KCNH8: variants seen among roughly 807,000 people sequenced by gnomAD.
The protein encoded by KCNH8 is voltage-gated delayed rectifier potassium channel KCNH8.
KCNH8 carries 70 observed loss-of-function variants against 103.6 expected under a neutral mutation model. That is an observed-to-expected ratio of 0.68 (90% CI 0.56 to 0.82). The LOEUF is 0.82. Among genes scored for constraint, KCNH8 ranks in the 40% least tolerant of loss-of-function variants. The pLI is 0.00. For synonymous variants in KCNH8, 498 were observed against 489.4 expected, an observed-to-expected ratio of 1.02 and a Z score of -0.23; for missense variants, 1,217 against 1,329.9, an observed-to-expected ratio of 0.92 and a Z score of 1.32.
At chr3:19,381,200 A>T (rs989714270) in intron 5 of KCNH8, among the ~76,000 whole-genome samples, 17 of 152,186 alleles carry the variant, frequency 1.1e-4, no homozygotes, top group Admixed American at 3.9e-4. Context: ...CAAATAAGCC[A>T]TTGGAACAAA....
chr3:19,310,914 G>A (rs1025165137), intron 3 of KCNH8, among the ~76,000 whole-genome samples: 2 of 151,794 alleles, frequency 1.3e-5, no homozygotes, highest in African/African-American at 4.8e-5. Context: ...TTGAAAAAAG[G>A]ATAGCACTTG....
chr3:19,499,717 C>A (rs1045234109), intron 11 of KCNH8, among the ~76,000 whole-genome samples: 7 of 152,130 alleles, frequency 4.6e-5, no homozygotes, highest in African/African-American at 9.7e-5. Context: ...TAAATAAAAT[C>A]CTTTACAGAC....
intron 14 of KCNH8, among the ~76,000 whole-genome samples, chr3:19,517,499 G>A (rs937287009): frequency 6.6e-6 from 1 of 151,956 alleles, no homozygotes; most frequent in Non-Finnish European, 1.5e-5. Flanking sequence ...AAAACTGGGA[G>A]AAATTACCCT....
chr3:19,455,420 G>C (rs908101425), intron 10 of KCNH8, among the ~76,000 whole-genome samples: 1 of 152,034 alleles, frequency 6.6e-6, no homozygotes, highest in African/African-American at 2.4e-5. Context: ...CAATGAAAGA[G>C]TAACTGATTA....
intron 10 of KCNH8, among the ~76,000 whole-genome samples, chr3:19,455,781 G>A (rs2067522757): frequency 6.6e-6 from 1 of 152,032 alleles, no homozygotes; most frequent in Admixed American, 6.6e-5. Context: ...ATGTCATTGT[G>A]ACTGAAATAG....
In KCNH8 at chr3:19,221,218, A is replaced by T. The variant is rs996860899; in HGVS notation, c.77-32436A>T. On this transcript the variant is annotated intron_variant, in intron 1 of 15. Transcript: ENST00000328405. ...TAGCTGTTGCTAGTCATCCTGGTGT[A>T]GGAATAAATGGGCTTGCAAGATTAC... Among the ~76,000 whole-genome samples, 5 of 152,340 alleles carry T rather than the reference A, an allele frequency of 3.3e-5. No individual in the cohort carries two copies. The South Asian group carries it at 8.3e-4, about 25-fold the overall frequency.
At chr3:19,386,099 G>A (rs1358062146) in intron 5 of KCNH8, among the ~76,000 whole-genome samples, 2 of 152,014 alleles carry the variant, frequency 1.3e-5, no homozygotes, top group Non-Finnish European at 2.9e-5. Flanking sequence ...CATAGTTCTT[G>A]AGGAAATCAA....
At chr3:19,210,724 C>T (rs1453881259) in intron 1 of KCNH8, among the ~76,000 whole-genome samples, 1 of 151,888 alleles carries the variant, frequency 6.6e-6, no homozygotes, top group Admixed American at 6.6e-5. Context: ...ACCGGGCTGT[C>T]ACATATGTTC....
chr3:19,169,838 A>C (rs1001295869), intron 1 of KCNH8, among the ~76,000 whole-genome samples: 3 of 152,246 alleles, frequency 2.0e-5, no homozygotes, highest in Admixed American at 1.3e-4. Context: ...GGATCCATAC[A>C]TATTCTTCTA....
At chr3:19,529,160 A>T (rs1293341887) in intron 15 of KCNH8, among the ~76,000 whole-genome samples, 1 of 152,126 alleles carries the variant, frequency 6.6e-6, no homozygotes, top group Non-Finnish European at 1.5e-5. Flanking sequence ...GGGTTTGTGA[A>T]GGGCTTTGTA....
intron 5 of KCNH8, among the ~76,000 whole-genome samples, chr3:19,353,336 C>T (rs1489620789): frequency 6.6e-6 from 1 of 152,178 alleles, no homozygotes; most frequent in Admixed American, 6.6e-5. Flanking sequence ...CCTTCTGAAA[C>T]TATTCAAATC....
intron 2 of KCNH8, among the ~76,000 whole-genome samples, chr3:19,277,940 T>G (rs2064698131): frequency 6.6e-6 from 1 of 152,144 alleles, no homozygotes; most frequent in African/African-American, 2.4e-5. Flanking sequence ...ACTCTGCTCT[T>G]ATCATTCACA....
intron 3 of KCNH8, among the ~76,000 whole-genome samples, chr3:19,340,784 T>C (rs1252587367): frequency 6.6e-6 from 1 of 152,152 alleles, no homozygotes; most frequent in African/African-American, 2.4e-5. Context: ...TAGAAGGATA[T>C]GTCTGACTAA....
At chr3:19,351,321 A>G (rs533441408) in intron 5 of KCNH8, among the ~76,000 whole-genome samples, 1 of 152,314 alleles carries the variant, frequency 6.6e-6, no homozygotes, top group African/African-American at 2.4e-5. Flanking sequence ...TCAGGATATT[A>G]TCCAGGAGAA....
chr3:19,479,660 G>A (rs2068048431), intron 11 of KCNH8, among the ~76,000 whole-genome samples: 1 of 152,170 alleles, frequency 6.6e-6, no homozygotes, highest in South Asian at 2.1e-4. Context: ...ACAAGAGGAA[G>A]AAACAGATCA....
At chr3:19,408,331 T>C (rs1404673585) in intron 7 of KCNH8, among the ~76,000 whole-genome samples, 1 of 151,584 alleles carries the variant, frequency 6.6e-6, no homozygotes, top group Non-Finnish European at 1.5e-5. Flanking sequence ...ATAATAATAA[T>C]AACATTATAG....
chr3:19,160,654 T>C (rs998946762), intron 1 of KCNH8, among the ~76,000 whole-genome samples: 1 of 152,146 alleles, frequency 6.6e-6, no homozygotes, highest in African/African-American at 2.4e-5. Flanking sequence ...CCCAAAAATA[T>C]TAAATGGAAA....
At chr3:19,172,736 A>G (rs902397668) in intron 1 of KCNH8, among the ~76,000 whole-genome samples, 8 of 152,216 alleles carry the variant, frequency 5.3e-5, no homozygotes, top group African/African-American at 1.9e-4. Context: ...ACAGCTGAAC[A>G]AGTAGCAGAG....
chr3:19,448,976 TTA>T, intron 8 of KCNH8: 1 of 1,286,360 alleles, frequency 7.8e-7, no homozygotes, highest in Non-Finnish European at 1.0e-6. Flanking sequence ...ATCTGCTGGT[TTA>T]GAAACCATTT....
Sources: gnomAD v4.1 joint callset for allele counts (sites outside exome capture counted in the v4.1 genomes callset) on GRCh38, gnomAD v4.1.1 for gene constraint, MANE v1.5 for transcripts, NCBI Gene and HGNC (gene_info 2026-07-23, HGNC 2026-07-21) for gene names.